The following NRG3 variants were observed in gnomAD, a reference collection of about 807,000 sequenced individuals.
The protein encoded by NRG3 is neuregulin 3, also known as pro-neuregulin-3, membrane-bound isoform.
A neutral mutation model predicts 66.9 loss-of-function variants in NRG3; 31 were observed. That is an observed-to-expected ratio of 0.46 (90% CI 0.35 to 0.63). The LOEUF (loss-of-function observed/expected upper bound fraction) is 0.63, where lower values mean the gene tolerates loss of function less well. NRG3 is among the 20% of genes least tolerant of loss of function. NRG3 has a pLI of 0.00. For synonymous variants in NRG3, 393 were observed against 359.4 expected (o/e 1.09, Z -1.06); for missense variants, 910 against 878.9 (o/e 1.04, Z -0.45).
intron 3 of NRG3, among the ~76,000 whole-genome samples, chr10:82,831,718 G>T (rs1213772500): frequency 6.6e-6 from 1 of 152,158 alleles, no homozygotes; most frequent in Non-Finnish European, 1.5e-5. Context: ...GGAGGCTGAG[G>T]CAGGAGGATT....
chr10:82,490,322 C>T (rs1041674965), intron 2 of NRG3, among the ~76,000 whole-genome samples: 3 of 152,116 alleles, frequency 2.0e-5, no homozygotes, highest in South Asian at 2.1e-4. Context: ...AGAAGTCATC[C>T]GGATCCCATA....
intron 3 of NRG3, among the ~76,000 whole-genome samples, chr10:82,745,879 T>C (rs777371385): frequency 2.0e-5 from 3 of 152,150 alleles, no homozygotes; most frequent in African/African-American, 7.2e-5. Flanking sequence ...CATACATATG[T>C]ATTCATTTTT....
intron 1 of NRG3, among the ~76,000 whole-genome samples, chr10:82,182,196 C>CTG (rs1248615563): frequency 6.6e-6 from 1 of 150,858 alleles, no homozygotes; most frequent in East Asian, 2.0e-4. Flanking sequence ...TTAATCTACT[C>CTG]TGCCACTCTA....
chr10:82,563,511 A>T (rs1372821868), intron 2 of NRG3, among the ~76,000 whole-genome samples: 1 of 152,032 alleles, frequency 6.6e-6, no homozygotes, highest in South Asian at 2.1e-4. Flanking sequence ...TTTTATACCC[A>T]GAAAACTTAG....
chr10:82,688,048 C>T (rs1360916812), intron 2 of NRG3, among the ~76,000 whole-genome samples: 1 of 152,192 alleles, frequency 6.6e-6, no homozygotes, highest in Non-Finnish European at 1.5e-5. Flanking sequence ...CACTCATTTC[C>T]ACATTACCAC....
intron 1 of NRG3, among the ~76,000 whole-genome samples, chr10:82,199,909 T>C (rs1447060856): frequency 6.6e-6 from 1 of 151,756 alleles, no homozygotes; most frequent in Non-Finnish European, 1.5e-5. Flanking sequence ...TGTGTGTGTG[T>C]GTGTGTGTGT....
chr10:82,954,345 C>T (rs1285721242), intron 5 of NRG3, among the ~76,000 whole-genome samples: 4 of 151,870 alleles, frequency 2.6e-5, no homozygotes, highest in Non-Finnish European at 5.9e-5. Flanking sequence ...ATCTTTGGGG[C>T]TGTCAATGTC....
chr10:82,042,950 G>A (rs2063111497), intron 1 of NRG3, among the ~76,000 whole-genome samples: 1 of 152,006 alleles, frequency 6.6e-6, no homozygotes, highest in Admixed American at 6.6e-5. Flanking sequence ...TTTTATTAGA[G>A]ATTTTTTCCT....
intron 3 of NRG3, among the ~76,000 whole-genome samples, chr10:82,819,280 A>G (rs1472352134): frequency 6.6e-6 from 1 of 152,234 alleles, no homozygotes; most frequent in Non-Finnish European, 1.5e-5. Context: ...TGCTATGTCA[A>G]CTATGCTGGA....
intron 1 of NRG3, among the ~76,000 whole-genome samples, chr10:82,046,895 A>G (rs1480571692): frequency 2.1e-5 from 3 of 141,168 alleles, no homozygotes; most frequent in Non-Finnish European, 4.7e-5. Flanking sequence ...ATATTGAACC[A>G]GCCTTGCATC....
intron 1 of NRG3, among the ~76,000 whole-genome samples, chr10:81,883,426 G>A (rs1234471385): frequency 2.0e-5 from 3 of 152,096 alleles, no homozygotes; most frequent in Non-Finnish European, 4.4e-5. Flanking sequence ...GGCCTAAAAA[G>A]GGATCAGTCA....
In NRG3 at chr10:82,460,258, G is replaced by A. The variant is rs78050473; in HGVS notation, c.953+101390G>A. Among the ~76,000 whole-genome samples, 441 of 152,256 alleles carry A rather than the reference G, an allele frequency of 2.9e-3. 1 individual carries two copies. The highest frequency in any genetic ancestry group is 6.8e-3 in the Middle Eastern group (2 of 294). On this transcript the variant is annotated intron_variant, in intron 2 of 8. Transcript: ENST00000372141. ...ACAGTAGAGCGCTTAAGGGTTGTGC[G>A]GCTAAGGCTTTGGAGTTTGGCTTCC...
intron 1 of NRG3, among the ~76,000 whole-genome samples, chr10:82,078,013 T>C (rs2065182981): frequency 6.6e-6 from 1 of 152,142 alleles, no homozygotes. Context: ...AGTTGGGCCC[T>C]TGGGACAAGG....
At chr10:82,786,831 G>T (rs1364489539) in intron 3 of NRG3, among the ~76,000 whole-genome samples, 1 of 152,118 alleles carries the variant, frequency 6.6e-6, no homozygotes, top group Non-Finnish European at 1.5e-5. Context: ...ATCATTGCAG[G>T]AGTGGGTTAG....
chr10:82,861,118 A>G (rs1383926744), intron 3 of NRG3, among the ~76,000 whole-genome samples: 1 of 152,076 alleles, frequency 6.6e-6, no homozygotes, highest in Non-Finnish European at 1.5e-5. Flanking sequence ...ACATTTTAAT[A>G]AAACGATGGA....
At chr10:82,145,462 T>A (rs2070173627) in intron 1 of NRG3, among the ~76,000 whole-genome samples, 2 of 152,116 alleles carry the variant, frequency 1.3e-5, no homozygotes, top group Admixed American at 1.3e-4. Flanking sequence ...TCTCACATGA[T>A]TTTTATGGAA....
intron 2 of NRG3, among the ~76,000 whole-genome samples, chr10:82,417,553 C>G (rs1007253010): frequency 6.6e-6 from 1 of 152,108 alleles, no homozygotes; most frequent in African/African-American, 2.4e-5. Flanking sequence ...TTCTTACATG[C>G]CAGAAGTTCT....
At chr10:82,680,695 A>G (rs575481591) in intron 2 of NRG3, among the ~76,000 whole-genome samples, 40 of 152,316 alleles carry the variant, frequency 2.6e-4, no homozygotes, top group African/African-American at 7.7e-4. Context: ...TGCATACTCA[A>G]TGCAGCTCAA....
At chr10:82,429,089 G>A (rs535063819) in intron 2 of NRG3, among the ~76,000 whole-genome samples, 2 of 151,884 alleles carry the variant, frequency 1.3e-5, no homozygotes, top group South Asian at 4.2e-4. Context: ...CAATCTAATT[G>A]GATTAGTAGC....
Sources: gnomAD v4.1 joint callset for allele counts (sites outside exome capture counted in the v4.1 genomes callset) on GRCh38, gnomAD v4.1.1 for gene constraint, MANE v1.5 for transcripts, NCBI Gene and HGNC (gene_info 2026-07-23, HGNC 2026-07-21) for gene names.